The following COLEC10 variants were observed in gnomAD, a reference collection of about 807,000 sequenced individuals.
COLEC10 encodes the protein collectin subfamily member 10.
Under a neutral mutation model 28.4 loss-of-function variants are expected in COLEC10, and 22 were observed. That is an observed-to-expected ratio of 0.78 (90% confidence interval 0.55 to 1.11). The LOEUF (loss-of-function observed/expected upper bound fraction) is 1.11, where lower values mean the gene tolerates loss of function less well. Among genes scored for constraint, COLEC10 ranks in the 50% least tolerant of loss-of-function variants. The probability of loss-of-function intolerance (pLI) is 0.00; values close to 1 mark genes in which losing one functional copy is unlikely to be tolerated. For synonymous variants in COLEC10, 125 were observed against 116.1 expected, an observed-to-expected ratio of 1.08 and a Z score of -0.49; for missense variants, 361 against 344.1, an observed-to-expected ratio of 1.05 and a Z score of -0.39.
chr8:118,959,538 A>T, the COLEC10 span, among the ~76,000 whole-genome samples: 3,497 of 152,326 alleles, frequency 0.023, 125 homozygotes, highest in African/African-American at 0.078. Flanking sequence ...GCAAGCCATA[A>T]GCTCTCCACA....
In COLEC10 at chr8:119,040,335, A is replaced by G. The variant is rs572436256; in HGVS notation, n.235+30782A>G. Among the ~76,000 whole-genome samples the G allele has an allele frequency of 2.0e-5, 3 of 152,330 alleles. No homozygotes were observed. In the East Asian group the frequency reaches 5.8e-4, roughly 29 times the overall value. ...GTGACCTATCAAGGCTATGGTCTTA[A>G]GAGGAGACATTCTTGAGAGAGAAAT... On this transcript the variant is annotated intron_variant and non_coding_transcript_variant, in intron 2 of 6. Coordinates refer to the COLEC10 transcript ENST00000521788.
intron 2 of COLEC10, among the ~76,000 whole-genome samples, chr8:119,013,947 C>T (rs111963012): frequency 1.3e-5 from 2 of 150,664 alleles, no homozygotes; most frequent in African/African-American, 5.0e-5. Flanking sequence ...AGTGCAAATA[C>T]CTTATCATAA....
chr8:119,000,669 G>A (rs1312909966), intron 1 of COLEC10, among the ~76,000 whole-genome samples: 2 of 152,106 alleles, frequency 1.3e-5, no homozygotes, highest in Non-Finnish European at 2.9e-5. Flanking sequence ...GGGAATGGAG[G>A]TCAGGAAATT....
At chr8:119,051,687 CA>C (rs1416832423) in intron 2 of COLEC10, among the ~76,000 whole-genome samples, 1 of 152,142 alleles carries the variant, frequency 6.6e-6, no homozygotes, top group African/African-American at 2.4e-5. Context: ...AAGCTCATAC[CA>C]TATTAATAGA....
the COLEC10 span, among the ~76,000 whole-genome samples, chr8:118,972,285 G>A: frequency 6.6e-6 from 1 of 151,928 alleles, no homozygotes; most frequent in Non-Finnish European, 1.5e-5. Flanking sequence ...TGGAATTTAA[G>A]GGCTTACTTG....
chr8:119,013,732 T>C (rs1293998945), intron 2 of COLEC10, among the ~76,000 whole-genome samples: 1 of 150,742 alleles, frequency 6.6e-6, no homozygotes, highest in East Asian at 1.9e-4. Flanking sequence ...CCCTCCTTTT[T>C]CCTAATTACT....
chr8:119,024,337 A>C (rs1814150484), intron 2 of COLEC10, among the ~76,000 whole-genome samples: 1 of 152,144 alleles, frequency 6.6e-6, no homozygotes, highest in Non-Finnish European at 1.5e-5. Context: ...ACGTACTTTA[A>C]AATTATTTTT....
chr8:119,027,294 T>A (rs1487526642), intron 2 of COLEC10, among the ~76,000 whole-genome samples: 1 of 152,200 alleles, frequency 6.6e-6, no homozygotes, highest in East Asian at 1.9e-4. Flanking sequence ...TCTCCTAGAC[T>A]GATGCCCACA....
chr8:118,999,916 T>G (rs1378604623), intron 1 of COLEC10, among the ~76,000 whole-genome samples: 1 of 149,412 alleles, frequency 6.7e-6, no homozygotes, highest in African/African-American at 2.5e-5. Context: ...AGAGTTTTTT[T>G]GTAAAGAGAG....
intron 1 of COLEC10, among the ~76,000 whole-genome samples, chr8:119,073,225 T>G (rs1186961360): frequency 6.6e-6 from 1 of 152,208 alleles, no homozygotes; most frequent in East Asian, 1.9e-4. Flanking sequence ...GATTCCAGAT[T>G]TTTGGAGCAG....
At chr8:119,026,439 G>A (rs115064795) in intron 2 of COLEC10, among the ~76,000 whole-genome samples, 2,315 of 152,128 alleles carry the variant, frequency 0.015, 49 homozygotes, top group African/African-American at 0.05. Flanking sequence ...ATGGTGGCAC[G>A]TGCCTACAAT....
intron 2 of COLEC10, among the ~76,000 whole-genome samples, chr8:119,049,560 G>T (rs1236888609): frequency 1.3e-5 from 2 of 151,402 alleles, no homozygotes; most frequent in African/African-American, 4.9e-5. Context: ...GACTATAGGC[G>T]CCCACCACCA....
At chr8:119,018,029 A>C (rs1814025406) in intron 2 of COLEC10, among the ~76,000 whole-genome samples, 1 of 152,170 alleles carries the variant, frequency 6.6e-6, no homozygotes, top group Non-Finnish European at 1.5e-5. Context: ...AAACATTATT[A>C]TTCTAGGAGG....
chr8:118,974,143 T>A, the COLEC10 span, among the ~76,000 whole-genome samples: 1 of 152,106 alleles, frequency 6.6e-6, no homozygotes, highest in East Asian at 1.9e-4. Context: ...ATTCCTTCCT[T>A]GCTTTCTGCC....
At chr8:118,997,930 C>T (rs992582833) in intron 1 of COLEC10, among the ~76,000 whole-genome samples, 1 of 152,120 alleles carries the variant, frequency 6.6e-6, no homozygotes, top group Non-Finnish European at 1.5e-5. Flanking sequence ...GTGGAAACAA[C>T]CTGTTCTATT....
At chr8:119,001,096 G>T (rs1813690089) in intron 1 of COLEC10, among the ~76,000 whole-genome samples, 2 of 152,210 alleles carry the variant, frequency 1.3e-5, no homozygotes, top group South Asian at 2.1e-4. Flanking sequence ...TGGCCTTTGG[G>T]GAGAATCGAA....
intron 2 of COLEC10, among the ~76,000 whole-genome samples, chr8:119,031,608 T>C (rs542375219): frequency 6.6e-6 from 1 of 152,214 alleles, no homozygotes; most frequent in Non-Finnish European, 1.5e-5. Flanking sequence ...GCAAGGAACA[T>C]GCAGCTGAAA....
chr8:119,047,454 C>T (rs998144421), intron 2 of COLEC10, among the ~76,000 whole-genome samples: 1 of 152,174 alleles, frequency 6.6e-6, no homozygotes, highest in African/African-American at 2.4e-5. Context: ...AGCCATTAGC[C>T]TTCCAGACCA....
chr8:118,989,870 T>C, the COLEC10 span, among the ~76,000 whole-genome samples: 1 of 152,130 alleles, frequency 6.6e-6, no homozygotes, highest in Non-Finnish European at 1.5e-5. Flanking sequence ...TTTATTATCA[T>C]GCTTACCAGT....
Sources: allele counts gnomAD v4.1 joint callset (sites outside exome capture counted in the v4.1 genomes callset), GRCh38; gene constraint gnomAD v4.1.1; transcripts MANE v1.5; gene names NCBI Gene and HGNC (gene_info 2026-07-23, HGNC 2026-07-21).